Variants in MGAT5 observed in about 807,000 individuals in gnomAD.
MGAT5 encodes the protein alpha-1,6-mannosylglycoprotein 6-beta-N-acetylglucosaminyltransferase A.
In MGAT5, 30 loss-of-function variants were observed where a neutral mutation model predicts 94.3. The ratio of observed to expected loss-of-function variants is 0.32; its 90% CI spans 0.24 to 0.43. MGAT5 has a LOEUF of 0.43. MGAT5 is among the 20% of genes least tolerant of loss of function. The pLI is 1.00. For missense variants in MGAT5, 691 were observed against 905.5 expected (o/e 0.76, Z 3.04); for synonymous variants, 310 against 322.9 (o/e 0.96, Z 0.43).
At chr2:134,122,338 C>T (rs906053857) in intron 1 of MGAT5, among the ~76,000 whole-genome samples, 4 of 152,126 alleles carry the variant, frequency 2.6e-5, no homozygotes, top group African/African-American at 9.7e-5. Context: ...TCCTGACCTC[C>T]GGTGATCCAG....
At chr2:134,208,560 C>T (rs1391156929) in intron 1 of MGAT5, among the ~76,000 whole-genome samples, 2 of 152,126 alleles carry the variant, frequency 1.3e-5, no homozygotes, top group East Asian at 1.9e-4. Context: ...TAGGATATGC[C>T]TTTATTCCCA....
chr2:134,378,365 G>C (rs1237654563), intron 10 of MGAT5, among the ~76,000 whole-genome samples: 1 of 152,128 alleles, frequency 6.6e-6, no homozygotes, highest in Non-Finnish European at 1.5e-5. Context: ...ATTCTTCTCT[G>C]TCTGTGCTTT....
At chr2:134,200,679 C>A (rs1389835047) in intron 1 of MGAT5, among the ~76,000 whole-genome samples, 1 of 152,132 alleles carries the variant, frequency 6.6e-6, no homozygotes, top group South Asian at 2.1e-4. Flanking sequence ...GTGAGCAAAA[C>A]AGATGAGTTC....
chr2:134,333,130 G>A (rs1688087424), intron 4 of MGAT5, among the ~76,000 whole-genome samples: 1 of 151,032 alleles, frequency 6.6e-6, no homozygotes, highest in East Asian at 2.0e-4. Context: ...AAAGACACAT[G>A]ACATGTATGT....
Position 134,383,921 on chromosome 2 carries a change from C to T in MGAT5, c.1381-19067C>T, listed in dbSNP as rs182189298. On this transcript the variant is annotated intron_variant, in intron 10 of 15. Transcript: ENST00000281923. ...GGTCTTTATATCCTGACCTCGTCAC[C>T]GCCTGCCTCGGCCTCCCAAAGTGCT... 3.9e-3 allele frequency among the ~76,000 whole-genome samples: 591 copies of T among 152,204 alleles called. 1 individual carries two copies. Among genetic ancestry groups the T allele is most frequent in the Non-Finnish European group, 6.0e-3 (409 of 68,010 alleles).
At chr2:134,143,970 G>A (rs981340372) in intron 1 of MGAT5, among the ~76,000 whole-genome samples, 1 of 151,900 alleles carries the variant, frequency 6.6e-6, no homozygotes, top group African/African-American at 2.4e-5. Flanking sequence ...GAATTTAGGA[G>A]GGAAAGGCTA....
chr2:134,329,596 G>A (rs1186064682), intron 4 of MGAT5, among the ~76,000 whole-genome samples: 1 of 152,020 alleles, frequency 6.6e-6, no homozygotes, highest in African/African-American at 2.4e-5. Flanking sequence ...TCAGCTCTGG[G>A]GCAAGACAGG....
chr2:134,216,820 C>T (rs941159496), intron 1 of MGAT5, among the ~76,000 whole-genome samples: 5 of 152,126 alleles, frequency 3.3e-5, no homozygotes, highest in Middle Eastern at 3.2e-3. Context: ...GGATCCTGAG[C>T]GGGCTGGGGA....
At chr2:134,181,350 C>T (rs182450829) in intron 1 of MGAT5, among the ~76,000 whole-genome samples, 1 of 152,284 alleles carries the variant, frequency 6.6e-6, no homozygotes, top group Admixed American at 6.5e-5. Context: ...CTCATGTAAA[C>T]CGGAAGGGCT....
chr2:134,198,000 A>C (rs1328731029), intron 1 of MGAT5, among the ~76,000 whole-genome samples: 1 of 152,156 alleles, frequency 6.6e-6, no homozygotes, highest in Non-Finnish European at 1.5e-5. Context: ...TACTCTGCAA[A>C]ATTCCTGCTC....
intron 10 of MGAT5, among the ~76,000 whole-genome samples, chr2:134,374,371 C>T (rs1391058528): frequency 6.6e-6 from 1 of 152,158 alleles, no homozygotes; most frequent in Non-Finnish European, 1.5e-5. Flanking sequence ...AGATCCATGT[C>T]ATAAACACCT....
At chr2:134,377,827 C>T (rs1258462900) in intron 10 of MGAT5, among the ~76,000 whole-genome samples, 6 of 152,158 alleles carry the variant, frequency 3.9e-5, no homozygotes, top group South Asian at 2.1e-4. Context: ...AGCAAAAGGG[C>T]CTCCAACTCC....
intron 1 of MGAT5, among the ~76,000 whole-genome samples, chr2:134,234,193 A>C (rs1681515049): frequency 6.6e-6 from 1 of 152,154 alleles, no homozygotes; most frequent in Non-Finnish European, 1.5e-5. Context: ...GGGGCTGAGA[A>C]GGAAGCCGGG....
At chr2:134,338,548 C>G (rs1688459971) in intron 6 of MGAT5, 128 bp downstream of exon 6, 2 of 1,005,162 alleles carry the variant, frequency 2.0e-6, no homozygotes, top group East Asian at 2.8e-5. Context: ...TCTGCTCAGT[C>G]TCTTGTACAG....
At chr2:134,287,477 T>C (rs1418153713) in intron 2 of MGAT5, among the ~76,000 whole-genome samples, 1 of 152,206 alleles carries the variant, frequency 6.6e-6, no homozygotes, top group African/African-American at 2.4e-5. Context: ...TGGTAATCTG[T>C]AGTGCTGGTT....
At chr2:134,417,279 A>G (rs1315817872) in intron 12 of MGAT5, among the ~76,000 whole-genome samples, 1 of 152,134 alleles carries the variant, frequency 6.6e-6, no homozygotes, top group African/African-American at 2.4e-5. Context: ...ACAAAACTAC[A>G]GTACAGTGGT....
rs1683848865 is a variant in MGAT5 at position 134,268,510 on chromosome 2, G to C, written c.242-1876G>C. 6.6e-6 allele frequency among the ~76,000 whole-genome samples: 1 copy of C among 152,200 alleles called. No individual in the cohort carries two copies. The highest frequency in any genetic ancestry group is 2.4e-5 in the African/African-American group (1 of 41,450). ...CCCGCTGTCTGTGCCAACTAATGAT[G>C]TGCCTGTGACAAACTGAGTCATGCT... On this transcript the variant is annotated intron_variant, in intron 1 of 15. Transcript: ENST00000281923. The surrounding 1 kb of genome is among the most constrained non-coding windows in gnomAD (Gnocchi z 4.1).
intron 1 of MGAT5, among the ~76,000 whole-genome samples, chr2:134,201,294 GC>G (rs2105282477): frequency 6.6e-6 from 1 of 152,258 alleles, no homozygotes; most frequent in South Asian, 2.1e-4. Context: ...GTTGGTAGGA[GC>G]AGGAAGAACT....
At chr2:134,361,283 C>T (rs921467788) in intron 9 of MGAT5, among the ~76,000 whole-genome samples, 1 of 152,154 alleles carries the variant, frequency 6.6e-6, no homozygotes. Flanking sequence ...AATTTGGTTT[C>T]ATGTTATTTA....
Sources: gnomAD v4.1 joint callset for allele counts (sites outside exome capture counted in the v4.1 genomes callset) on GRCh38, gnomAD v4.1.1 for gene constraint, Gnocchi (gnomAD v3.1) non-coding constraint, MANE v1.5 for transcripts, NCBI Gene and HGNC (gene_info 2026-07-23, HGNC 2026-07-21) for gene names.